Variants in KMT2C observed in about 807,000 individuals in gnomAD.
KMT2C encodes histone-lysine N-methyltransferase 2C.
KMT2C carries 88 observed loss-of-function variants against 507.9 expected under a neutral mutation model. The ratio of observed to expected loss-of-function variants is 0.17; its 90% CI spans 0.15 to 0.21. The LOEUF (loss-of-function observed/expected upper bound fraction) is 0.21, where lower values mean the gene tolerates loss of function less well. KMT2C is among the 10% of genes least tolerant of loss of function. The pLI, the probability that KMT2C is intolerant of heterozygous loss-of-function variation, is 1.00. For synonymous variants in KMT2C, 2,049 were observed against 2,080.8 expected, an observed-to-expected ratio of 0.98 and a Z score of 0.42; for missense variants, 4,954 against 5,957.8, an observed-to-expected ratio of 0.83 and a Z score of 5.55.
Position 152,230,296 on chromosome 7 carries a change from T to G in KMT2C, c.2795A>C (p.Asn932Thr). Reference sequence around the variant, plus strand: ...CATAGAGTTTTCTTCATCATCCTTATTTGATGAAATATCTGCAGTAGACAC... The same window carrying G: ...CATAGAGTTTTCTTCATCATCCTTAGTTGATGAAATATCTGCAGTAGACAC... ...PGVSTADISS[N>T]KDDEENSMHN... The change falls in exon 17 of 59, where the codon AAT (asparagine) becomes ACT (threonine). Residue 932 changes from asparagine to threonine, a missense_variant. Physicochemically the swap from Asn to Thr is moderately conservative, Grantham distance 65. Around this residue, in one of 29 missense-constraint regions of KMT2C, gnomAD observed 62 missense variants for 137.2 expected, o/e 0.45. Transcript: ENST00000262189. 1 of 1,586,422 alleles carries G rather than the reference T, an allele frequency of 6.3e-7. No homozygotes were observed. The highest frequency in any genetic ancestry group is 8.6e-7 in the Non-Finnish European group (1 of 1,161,288).
At chr7:152,179,775 C>A (rs1201454310) in intron 37 of KMT2C, 59 bp downstream of exon 37, 1 of 1,507,484 alleles carries the variant, frequency 6.6e-7, no homozygotes, top group South Asian at 1.1e-5. Context: ...CCACCACACC[C>A]AGCTCTGTTT....
chr7:152,165,629 C>T (rs918421911), intron 42 of KMT2C, among the ~76,000 whole-genome samples: 1 of 152,138 alleles, frequency 6.6e-6, no homozygotes, highest in Non-Finnish European at 1.5e-5. Flanking sequence ...GAGTCCAAAT[C>T]CCTAATCTAA....
intron 9 of KMT2C, among the ~76,000 whole-genome samples, chr7:152,257,169 G>C (rs1221971514): frequency 6.6e-6 from 1 of 152,192 alleles, no homozygotes. Flanking sequence ...GTGCTATGCA[G>C]CTGTTTAAAA....
chr7:152,311,214 TAC>T, intron 5 of KMT2C, among the ~76,000 whole-genome samples: 1 of 152,314 alleles, frequency 6.6e-6, no homozygotes, highest in East Asian at 1.9e-4. Context: ...GAAAATAAAC[TAC>T]ACATACACCT....
At chr7:152,141,935 T>C (rs1339691396) in intron 55 of KMT2C, among the ~76,000 whole-genome samples, 4 of 151,920 alleles carry the variant, frequency 2.6e-5, no homozygotes, top group African/African-American at 9.7e-5. Context: ...GGTAAGAGGA[T>C]CGCTTGAGCC....
chr7:152,248,680 A>G (rs2095515693), intron 13 of KMT2C, 60 bp from the exon 14 acceptor site: 8 of 1,024,270 alleles, frequency 7.8e-6, no homozygotes, highest in Non-Finnish European at 1.1e-5. Flanking sequence ...TTTTCTAACT[A>G]TAGATATATA....
intron 18 of KMT2C, among the ~76,000 whole-genome samples, chr7:152,225,705 G>A (rs990041077): frequency 3.3e-5 from 5 of 152,144 alleles, no homozygotes; most frequent in African/African-American, 1.2e-4. Flanking sequence ...GAAGTTTAAG[G>A]ATGAGAACAA....
chr7:152,307,263 A>ACGGT (rs1563803495), intron 6 of KMT2C, among the ~76,000 whole-genome samples: 7 of 122,602 alleles, frequency 5.7e-5, no homozygotes, highest in African/African-American at 2.3e-4. Context: ...GGTAGGAAGG[A>ACGGT]AGGAAGGAAG....
intron 1 of KMT2C, among the ~76,000 whole-genome samples, chr7:152,374,853 A>AG (rs1403550800): frequency 8.0e-5 from 12 of 150,564 alleles, no homozygotes; most frequent in African/African-American, 3.0e-4. Flanking sequence ...ATTGTACTCT[A>AG]GCCTTAGTGA....
At chr7:152,374,707 T>C (rs1331644251) in intron 1 of KMT2C, among the ~76,000 whole-genome samples, 1 of 151,924 alleles carries the variant, frequency 6.6e-6, no homozygotes, top group Non-Finnish European at 1.5e-5. Context: ...CAGACCAGCC[T>C]GGCCAATATG....
chr7:152,140,766 T>C (rs934197456), intron 55 of KMT2C, among the ~76,000 whole-genome samples: 1 of 152,116 alleles, frequency 6.6e-6, no homozygotes, highest in Non-Finnish European at 1.5e-5. Flanking sequence ...GAGCACATGG[T>C]GGGAAGGGCC....
In KMT2C at chr7:152,171,952, A is replaced by G. The variant is rs192028003; in HGVS notation, c.9375-610T>C. Among the ~76,000 whole-genome samples the G allele has an allele frequency of 8.7e-4, 133 of 152,358 alleles. 1 individual carries two copies. The highest frequency in any genetic ancestry group is 2.9e-3 in the African/African-American group (122 of 41,592). The stretch of plus-strand genomic sequence containing the variant: ...AAACGTGTTTAGAGAAATGTTACTC[A>G]TTCTAATTAAAACTATAAAAACTTC... On this transcript the variant is annotated intron_variant, in intron 39 of 58. Transcript: ENST00000262189.
At chr7:152,395,140 A>G (rs1589708512) in intron 1 of KMT2C, among the ~76,000 whole-genome samples, 1 of 152,134 alleles carries the variant, frequency 6.6e-6, no homozygotes, top group East Asian at 1.9e-4. Flanking sequence ...GTATAATCCC[A>G]CTTAATATGA....
In KMT2C at chr7:152,304,376, G is replaced by A. The variant is rs985799100; in HGVS notation, c.849+5590C>T. 2.0e-4 allele frequency among the ~76,000 whole-genome samples: 31 copies of A among 152,106 alleles called. 1 individual carries two copies. Among genetic ancestry groups the A allele is most frequent in the African/African-American group, 7.5e-4 (31 of 41,418 alleles). The stretch of plus-strand genomic sequence containing the variant: ...AAAATATTGAATGTTTAATAAATGG[G>A]CTTAAACCAGAGCTCTTTAGAATAT... On this transcript the variant is annotated intron_variant, in intron 6 of 58. Coordinates refer to ENST00000262189, the MANE Select transcript of KMT2C (RefSeq NM_170606.3).
intron 6 of KMT2C, among the ~76,000 whole-genome samples, chr7:152,284,180 T>C (rs1016989640): frequency 1.2e-4 from 19 of 152,120 alleles, no homozygotes; most frequent in South Asian, 8.3e-4. Flanking sequence ...AATTGTGCTA[T>C]TGAATTAAAC....
intron 25 of KMT2C, among the ~76,000 whole-genome samples, chr7:152,204,199 G>C (rs890191682): frequency 6.6e-6 from 1 of 152,108 alleles, no homozygotes; most frequent in Non-Finnish European, 1.5e-5. Context: ...TTGGGACGCT[G>C]ACGCACGAGA....
At position 152,359,025 on chromosome 7, in the gene KMT2C, C is replaced by T. The variant is rs111732880; in HGVS notation, c.162-350G>A. ...GCTTTTAACTACATAATGGGTTCTT[C>T]ACAAAGTTCACATACCAGGTTTAAC... On this transcript the variant is annotated intron_variant, in intron 1 of 58. Coordinates refer to ENST00000262189, the MANE Select transcript of KMT2C (RefSeq NM_170606.3). Among the ~76,000 whole-genome samples the T allele has an allele frequency of 9.4e-3, 1,432 of 152,210 alleles. 25 individuals are homozygous for T. Among genetic ancestry groups the T allele is most frequent in the African/African-American group, 0.033 (1,377 of 41,524 alleles).
At position 152,248,325 on chromosome 7, in the gene KMT2C, A is replaced by C. The variant is rs79976332; in HGVS notation, c.2109T>G (p.His703Gln). 18 of 1,613,820 alleles carry C rather than the reference A, an allele frequency of 1.1e-5. No homozygotes were observed. The highest frequency in any genetic ancestry group is 1.5e-5 in the Non-Finnish European group (18 of 1,179,836). ...CAGGACATAATGAAATACTTTCCTC[A>C]TGTGGGGACACTAAGGTTTCTAGTG... ...TLPLETLVSP[H>Q]EESISLCPEE... The change falls in exon 14 of 59, where the codon CAT becomes CAG. Residue 703 changes from histidine (H) to glutamine (Q), a missense_variant. By Grantham distance (24) the His-to-Gln change is conservative. Transcript: ENST00000262189.
chr7:152,413,753 C>T (rs1403792051), intron 1 of KMT2C, among the ~76,000 whole-genome samples: 7 of 151,778 alleles, frequency 4.6e-5, no homozygotes, highest in Non-Finnish European at 8.8e-5. Context: ...GGTGTGGTGG[C>T]GGGCGCCTGT....
Sources: allele counts gnomAD v4.1 joint callset (sites outside exome capture counted in the v4.1 genomes callset), GRCh38; gene constraint gnomAD v4.1.1; regional missense constraint gnomAD v4.1.1; transcripts MANE v1.5; gene names NCBI Gene and HGNC (gene_info 2026-07-23, HGNC 2026-07-21).